LITAF: variants seen among roughly 807,000 people sequenced by gnomAD.
The protein encoded by LITAF is lipopolysaccharide-induced tumor necrosis factor-alpha factor.
In LITAF, 9 loss-of-function variants were observed where a neutral mutation model predicts 14.5. That is an observed-to-expected ratio of 0.62 (90% confidence interval 0.37 to 1.08). The LOEUF is 1.08. Among genes scored for constraint, LITAF ranks in the 50% least tolerant of loss-of-function variants. The pLI is 0.01. For missense variants in LITAF, 206 were observed against 213.4 expected (o/e 0.97, Z 0.22); for synonymous variants, 98 against 88.2 (o/e 1.11, Z -0.62).
intron 1 of LITAF, among the ~76,000 whole-genome samples, chr16:11,577,296 T>G (rs961361314): frequency 1.3e-5 from 2 of 150,960 alleles, no homozygotes; most frequent in Non-Finnish European, 2.9e-5. Flanking sequence ...ATCTATGGCA[T>G]CAGCTCATTA....
rs183665114 is a variant in LITAF at position 11,615,265 on chromosome 16, G to A, written c.85+18268C>T. Among the ~76,000 whole-genome samples, 12 of 152,118 alleles carry A rather than the reference G, an allele frequency of 7.9e-5. No homozygotes were observed. In the East Asian group the frequency reaches 1.7e-3, roughly 22 times the overall value. On this transcript the variant is annotated intron_variant, in intron 3 of 3. Transcript: ENST00000574848. The stretch of plus-strand genomic sequence containing the variant: ...GAGGAAAAGTAAAGACCTTGGGTGC[G>A]GTGGCTCACGCCTGTAATCCCAGCA...
At chr16:11,568,160 C>A (rs2064484565) in intron 1 of LITAF, among the ~76,000 whole-genome samples, 1 of 151,714 alleles carries the variant, frequency 6.6e-6, no homozygotes, top group Admixed American at 6.6e-5. Flanking sequence ...TGGTGGTATG[C>A]ACCTGCAGTC....
chr16:11,608,147 G>C (rs557456725), intron 3 of LITAF, among the ~76,000 whole-genome samples: 1 of 152,330 alleles, frequency 6.6e-6, no homozygotes, highest in Admixed American at 6.5e-5. Context: ...ACCCCCATGG[G>C]ATCAGAATTA....
intron 1 of LITAF, among the ~76,000 whole-genome samples, chr16:11,578,880 G>T (rs2141823233): frequency 6.6e-6 from 1 of 152,308 alleles, no homozygotes; most frequent in East Asian, 1.9e-4. Context: ...GGTGGCTGAG[G>T]AGACAAGATG....
chr16:11,565,538 T>G (rs971023271), intron 1 of LITAF, among the ~76,000 whole-genome samples: 1 of 152,098 alleles, frequency 6.6e-6, no homozygotes, highest in Non-Finnish European at 1.5e-5. Flanking sequence ...AGCCTCTAAG[T>G]TGGCTGCTGG....
chr16:11,632,147 G>A lies in LITAF; in HGVS notation c.85+1386C>T, dbSNP rs998689474. 6.6e-6 allele frequency among the ~76,000 whole-genome samples: 1 copy of A among 152,172 alleles called. No homozygotes were observed. Among genetic ancestry groups the A allele is most frequent in the African/African-American group, 2.4e-5 (1 of 41,446 alleles). ...CTCCCAAAGTGCTGGGATTACAGGC[G>A]TGAGCCACTGCGCCCGGCCTCGCAA... On this transcript the variant is annotated intron_variant, in intron 3 of 3. Coordinates refer to the LITAF transcript ENST00000574848. The surrounding 1 kb of genome is among the most constrained non-coding windows in gnomAD (Gnocchi z 4.8).
chr16:11,587,888 AC>A (rs1403046509), upstream of LITAF, among the ~76,000 whole-genome samples: 1 of 152,104 alleles, frequency 6.6e-6, no homozygotes. Context: ...CCACAAACAA[AC>A]GCCATTTGGA....
chr16:11,613,893 T>C (rs1307816391), intron 3 of LITAF, among the ~76,000 whole-genome samples: 1 of 152,238 alleles, frequency 6.6e-6, no homozygotes, highest in African/African-American at 2.4e-5. Context: ...TCTCGCTGAA[T>C]GTTTATTTCC....
chr16:11,631,453 T>C (rs1488137260), intron 3 of LITAF, among the ~76,000 whole-genome samples: 1 of 152,082 alleles, frequency 6.6e-6, no homozygotes, highest in Non-Finnish European at 1.5e-5. Context: ...TGGAGTGCAG[T>C]GGCGTGAACA....
chr16:11,600,943 C>T (rs907333674), upstream of LITAF, among the ~76,000 whole-genome samples: 5 of 152,150 alleles, frequency 3.3e-5, no homozygotes, highest in Admixed American at 6.6e-5. The surrounding 1 kb of genome is among the most constrained non-coding windows in gnomAD (Gnocchi z 4.1). Flanking sequence ...ACAGGCAAAC[C>T]GGGGCATGTC....
chr16:11,564,254 G>T (rs1567241538), intron 1 of LITAF, among the ~76,000 whole-genome samples: 2 of 151,988 alleles, frequency 1.3e-5, no homozygotes, highest in South Asian at 4.2e-4. Flanking sequence ...GAACCCGCAG[G>T]GAGAAGCCAC....
intron 3 of LITAF, among the ~76,000 whole-genome samples, chr16:11,631,873 C>T (rs1272134594): frequency 9.3e-5 from 13 of 140,308 alleles, no homozygotes; most frequent in Non-Finnish European, 1.2e-4. Context: ...TTTTTTGAGA[C>T]GGAGTCTTGC....
upstream of LITAF, among the ~76,000 whole-genome samples, chr16:11,638,814 A>G (rs1055959658): frequency 9.9e-5 from 15 of 151,448 alleles, no homozygotes; most frequent in African/African-American, 3.6e-4. Context: ...GATTTCCAAT[A>G]GGAATCACAG....
At chr16:11,568,670 C>G (rs1275280417) in intron 1 of LITAF, among the ~76,000 whole-genome samples, 1 of 127,350 alleles carries the variant, frequency 7.9e-6, no homozygotes, top group East Asian at 2.0e-4. Context: ...AAGGTACACC[C>G]TTGTTTTTTT....
chr16:11,556,796 AC>A (rs1310378750), intron 1 of LITAF, 61 bp from the exon 2 acceptor site: 10 of 1,370,364 alleles, frequency 7.3e-6, no homozygotes, highest in Non-Finnish European at 1.0e-5. Flanking sequence ...TCTCTTTTTC[AC>A]CTAAGTCTTC....
chr16:11,557,258 T>C (rs2064288309), intron 1 of LITAF, among the ~76,000 whole-genome samples: 1 of 150,762 alleles, frequency 6.6e-6, no homozygotes. Context: ...ATAGGCAAAA[T>C]GAATCCATGG....
intron 3 of LITAF, among the ~76,000 whole-genome samples, chr16:11,623,311 A>C (rs2065062703): frequency 6.6e-6 from 1 of 151,868 alleles, no homozygotes. Context: ...TATAGTTGGA[A>C]AGTCTGTGGT....
chr16:11,568,113 C>T (rs1002079214), intron 1 of LITAF, among the ~76,000 whole-genome samples: 4 of 152,012 alleles, frequency 2.6e-5, no homozygotes, highest in African/African-American at 9.7e-5. Flanking sequence ...CACAATGAGA[C>T]CCCATCTCTA....
At chr16:11,623,620 C>T (rs2065064657) in intron 3 of LITAF, among the ~76,000 whole-genome samples, 2 of 150,742 alleles carry the variant, frequency 1.3e-5, no homozygotes, top group Non-Finnish European at 3.0e-5. Flanking sequence ...AGATCACAAC[C>T]TTGCACTCTA....
Sources: allele counts gnomAD v4.1 joint callset (sites outside exome capture counted in the v4.1 genomes callset), GRCh38; gene constraint gnomAD v4.1.1; non-coding constraint Gnocchi (gnomAD v3.1); transcripts MANE v1.5; gene names NCBI Gene and HGNC (gene_info 2026-07-23, HGNC 2026-07-21).